Variants in DIS3L2 observed in about 807,000 individuals in gnomAD.
The protein encoded by DIS3L2 is DIS3 like 3'-5' exoribonuclease 2, also known as DIS3-like exonuclease 2.
DIS3L2 carries 34 observed loss-of-function variants against 97.5 expected under a neutral mutation model. The observed-to-expected ratio is 0.35, with a 90% CI of 0.27 to 0.46. The LOEUF (loss-of-function observed/expected upper bound fraction) is 0.46, where lower values mean the gene tolerates loss of function less well. Ranked by LOEUF, DIS3L2 falls within the 20% of genes least tolerant of loss-of-function variation. The probability of loss-of-function intolerance (pLI) is 1.00; values close to 1 mark genes in which losing one functional copy is unlikely to be tolerated. For missense variants in DIS3L2, 1,038 were observed against 1,146.0 expected, an observed-to-expected ratio of 0.91 and a Z score of 1.36; for synonymous variants, 435 against 445.2, an observed-to-expected ratio of 0.98 and a Z score of 0.29.
chr2:232,336,886 T>C lies in DIS3L2; in HGVS notation c.*256T>C, dbSNP rs1290403315. ...AGTCCTCCTGGGAGGCTGGCCCCCC[T>C]TTTTTCTGGGCCCTACTGCCCTCCT... On this transcript the variant is annotated 3_prime_UTR_variant, in exon 21 of 21. Coordinates refer to ENST00000325385, the MANE Select transcript of DIS3L2 (RefSeq NM_152383.5). The C allele has an allele frequency of 2.3e-6, 3 of 1,309,838 alleles. No homozygotes were observed. Among genetic ancestry groups the C allele is most frequent in the Non-Finnish European group, 2.9e-6 (3 of 1,027,966 alleles). 81.1% of individuals were successfully genotyped at this position (1,309,838 alleles called of 1,614,324 possible).
At chr2:232,121,740 T>G (rs1460549586) in intron 6 of DIS3L2, among the ~76,000 whole-genome samples, 1 of 152,142 alleles carries the variant, frequency 6.6e-6, no homozygotes, top group Non-Finnish European at 1.5e-5. Flanking sequence ...CCTTTTATTT[T>G]GCATTTCTAA....
chr2:232,274,403 A>G (rs1374621373), intron 13 of DIS3L2, among the ~76,000 whole-genome samples: 1 of 152,220 alleles, frequency 6.6e-6, no homozygotes, highest in Admixed American at 6.5e-5. Flanking sequence ...CCAAACAGCT[A>G]CATCAGAGAC....
downstream of DIS3L2, among the ~76,000 whole-genome samples, chr2:232,338,655 G>C (rs1696040893): frequency 6.6e-6 from 1 of 152,006 alleles, no homozygotes; most frequent in South Asian, 2.1e-4. Context: ...GCTCAGAGAA[G>C]GCAGCCCAGC....
At chr2:232,204,061 A>G (rs1374635601) in intron 9 of DIS3L2, among the ~76,000 whole-genome samples, 2 of 152,138 alleles carry the variant, frequency 1.3e-5, no homozygotes, top group Non-Finnish European at 2.9e-5. Context: ...GAGTTGATGA[A>G]GGTTTTTGAC....
intron 11 of DIS3L2, among the ~76,000 whole-genome samples, chr2:232,243,113 G>A (rs940919883): frequency 6.6e-6 from 1 of 152,214 alleles, no homozygotes; most frequent in African/African-American, 2.4e-5. Flanking sequence ...GCCTGGGCTG[G>A]TGGTGGGAGA....
At position 232,155,969 on chromosome 2, in the gene DIS3L2, G is replaced by A. The variant is rs569406713; in HGVS notation, c.951-7490G>A. 2.3e-3 allele frequency among the ~76,000 whole-genome samples: 344 copies of A among 150,936 alleles called. 5 individuals carry two copies. The highest frequency in any genetic ancestry group is 8.2e-3 in the African/African-American group (338 of 41,066). ...CGCGCCCCTGCACTCCAGCCTGGGC[G>A]ACAGAGTGAGACTCCATCTAAAAAA... On this transcript the variant is annotated intron_variant, in intron 8 of 20. Transcript: ENST00000325385.
chr2:232,221,785 G>C (rs1160892058), intron 10 of DIS3L2, among the ~76,000 whole-genome samples: 1 of 152,056 alleles, frequency 6.6e-6, no homozygotes, highest in African/African-American at 2.4e-5. Context: ...GGGGTGACAA[G>C]AGTGAAACTC....
Position 232,204,176 on chromosome 2 carries a change from A to G in DIS3L2, c.1125-6150A>G, listed in dbSNP as rs145858018. ...TGACCAAAATCCAGTGAGGTGAATA[A>G]TGACAAAGTGGTGAGTAAATGTTGC... On this transcript the variant is annotated intron_variant, in intron 9 of 20. Transcript: ENST00000325385. 4.6e-5 allele frequency among the ~76,000 whole-genome samples: 7 copies of G among 152,288 alleles called. No homozygotes were observed. In the East Asian group the frequency reaches 1.3e-3, roughly 29 times the overall value.
intron 14 of DIS3L2, among the ~76,000 whole-genome samples, chr2:232,304,898 T>C (rs1472415316): frequency 6.6e-6 from 1 of 152,154 alleles, no homozygotes; most frequent in Admixed American, 6.5e-5. Context: ...AATCTCTCCT[T>C]CTGGAACTTG....
intron 1 of DIS3L2, among the ~76,000 whole-genome samples, chr2:231,983,679 A>C (rs1451036717): frequency 5.3e-5 from 8 of 152,196 alleles, no homozygotes; most frequent in Non-Finnish European, 1.2e-4. Context: ...TCACGAGGTC[A>C]GGAGATCAAG....
At chr2:232,319,841 T>C (rs1695376200) in intron 14 of DIS3L2, among the ~76,000 whole-genome samples, 1 of 152,192 alleles carries the variant, frequency 6.6e-6, no homozygotes, top group Admixed American at 6.5e-5. Flanking sequence ...CCAGTCACGC[T>C]TTGGCATGGT....
intron 5 of DIS3L2, among the ~76,000 whole-genome samples, chr2:232,072,866 A>G (rs1473271090): frequency 1.3e-5 from 2 of 149,204 alleles, no homozygotes; most frequent in African/African-American, 5.0e-5. Context: ...GTGGGGAAGG[A>G]AGTCGAATGA....
chr2:231,985,270 C>T (rs1406531961), intron 1 of DIS3L2, among the ~76,000 whole-genome samples: 1 of 152,230 alleles, frequency 6.6e-6, no homozygotes, highest in African/African-American at 2.4e-5. Flanking sequence ...CTAACCCCAT[C>T]TAAGCACTAA....
chr2:232,141,994 G>C (rs2106360001), intron 8 of DIS3L2, among the ~76,000 whole-genome samples: 1 of 152,250 alleles, frequency 6.6e-6, no homozygotes, highest in East Asian at 1.9e-4. Flanking sequence ...TTGAAGCATA[G>C]GCTCCAAGAT....
chr2:232,052,104 A>G (rs1216124623), intron 5 of DIS3L2, among the ~76,000 whole-genome samples: 1 of 151,356 alleles, frequency 6.6e-6, no homozygotes, highest in Non-Finnish European at 1.5e-5. Context: ...GCTCACTGCA[A>G]CCTCCGTCTC....
intron 9 of DIS3L2, among the ~76,000 whole-genome samples, chr2:232,202,596 CT>C (rs1365064669): frequency 1.3e-5 from 2 of 152,110 alleles, no homozygotes; most frequent in Non-Finnish European, 2.9e-5. Flanking sequence ...TTGAGTTGAC[CT>C]TTCTGAGGAC....
chr2:232,052,976 C>T (rs192400030), intron 5 of DIS3L2, among the ~76,000 whole-genome samples: 1 of 152,156 alleles, frequency 6.6e-6, no homozygotes, highest in Non-Finnish European at 1.5e-5. Context: ...ACCTGTTCTG[C>T]GTTAGGCACT....
At chr2:232,212,011 A>T (rs1044366209) in intron 10 of DIS3L2, among the ~76,000 whole-genome samples, 1 of 152,208 alleles carries the variant, frequency 6.6e-6, no homozygotes, top group Non-Finnish European at 1.5e-5. Context: ...AGCACGAGCC[A>T]CTGTGCTGAG....
chr2:232,101,780 C>G (rs915809238), intron 6 of DIS3L2, among the ~76,000 whole-genome samples: 1 of 152,214 alleles, frequency 6.6e-6, no homozygotes, highest in African/African-American at 2.4e-5. Flanking sequence ...GCTTGTCCTC[C>G]CAACTATTAC....
Sources: allele counts gnomAD v4.1 joint callset (sites outside exome capture counted in the v4.1 genomes callset), GRCh38; gene constraint gnomAD v4.1.1; transcripts MANE v1.5; gene names NCBI Gene and HGNC (gene_info 2026-07-23, HGNC 2026-07-21).